Variants in BACE2 observed in about 807,000 individuals in gnomAD.
BACE2 encodes the protein beta-secretase 2, also known as 56 kDa aspartic-like protease.
BACE2 carries 17 observed loss-of-function variants against 46.2 expected under a neutral mutation model. The observed-to-expected ratio is 0.37, with a 90% CI of 0.25 to 0.55. The LOEUF (loss-of-function observed/expected upper bound fraction) is 0.55. Among genes scored for constraint, BACE2 ranks in the 20% least tolerant of loss-of-function variants. BACE2 has a pLI of 0.82. For synonymous variants in BACE2, 277 were observed against 295.9 expected (o/e 0.94, Z 0.66); for missense variants, 595 against 698.1 (o/e 0.85, Z 1.66).
chr21:41,259,586 T>C (rs1987876535), intron 8 of BACE2, among the ~76,000 whole-genome samples: 1 of 152,070 alleles, frequency 6.6e-6, no homozygotes, highest in Non-Finnish European at 1.5e-5. Flanking sequence ...AAATTTGTCT[T>C]AGAAATAAAA....
At position 41,243,573 on chromosome 21, in the gene BACE2, G is replaced by A; in HGVS notation, c.882+63G>A. 4.0e-6 allele frequency: 6 copies of A among 1,486,052 alleles called. No individual in the cohort carries two copies. In the South Asian group the frequency reaches 9.1e-5, roughly 23 times the overall value. 92.1% of individuals were successfully genotyped at this position (1,486,052 alleles called of 1,614,324 possible). A position where few individuals can be genotyped will look rare whatever the true frequency, so the allele number is the denominator to read the frequency against. ...ATGTCTGGGTCCCTTAAATATGCCA[G>A]CTGGAACCCGTAGATGCCAATAGAA... is the stretch of plus-strand genomic sequence containing the variant. On this transcript the variant is annotated intron_variant, in intron 5 of 8. Coordinates refer to ENST00000330333, the MANE Select transcript of BACE2 (RefSeq NM_012105.5).
intron 1 of BACE2, among the ~76,000 whole-genome samples, chr21:41,173,901 G>T (rs1984696600): frequency 6.6e-6 from 1 of 152,034 alleles, no homozygotes; most frequent in African/African-American, 2.4e-5. Context: ...GATGGATGTA[G>T]AAAGCTTCAG....
At chr21:41,182,255 A>T (rs921425444) in intron 1 of BACE2, 2 of 167,124 alleles carry the variant, frequency 1.2e-5, no homozygotes, top group Non-Finnish European at 2.9e-5. Flanking sequence ...CCTGTGACTC[A>T]TAAGAAACAG....
chr21:41,255,564 C>G (rs1009268947), intron 7 of BACE2, among the ~76,000 whole-genome samples: 1 of 152,306 alleles, frequency 6.6e-6, no homozygotes, highest in East Asian at 1.9e-4. Context: ...GGGCACTTCC[C>G]GCCCTATGGT....
intron 1 of BACE2, among the ~76,000 whole-genome samples, chr21:41,200,761 T>A (rs1555851087): frequency 6.6e-6 from 1 of 152,128 alleles, no homozygotes; most frequent in Non-Finnish European, 1.5e-5. Context: ...GGGACCGCCA[T>A]GTGAAGAAGC....
chr21:41,212,228 T>G (rs141660335), intron 1 of BACE2, among the ~76,000 whole-genome samples: 1 of 152,202 alleles, frequency 6.6e-6, no homozygotes, highest in East Asian at 1.9e-4. Flanking sequence ...CTTCATAGAG[T>G]CAGTGCCTTC....
At chr21:41,185,707 A>ATG (rs1389736127) in intron 1 of BACE2, among the ~76,000 whole-genome samples, 1 of 152,172 alleles carries the variant, frequency 6.6e-6, no homozygotes, top group Non-Finnish European at 1.5e-5. Flanking sequence ...AGAACCCAAA[A>ATG]TGCCTGCGTT....
intron 7 of BACE2, among the ~76,000 whole-genome samples, chr21:41,256,776 A>C (rs944186583): frequency 6.6e-6 from 1 of 152,202 alleles, no homozygotes; most frequent in Admixed American, 6.5e-5. Flanking sequence ...CCTTGGGCAC[A>C]TGTTCTCCGG....
At chr21:41,208,631 C>T (rs1019992572) in intron 1 of BACE2, among the ~76,000 whole-genome samples, 2 of 152,174 alleles carry the variant, frequency 1.3e-5, no homozygotes, top group African/African-American at 4.8e-5. Context: ...CAGAATTCTT[C>T]TGATTCTGAT....
chr21:41,168,710 A>C, intron 1 of BACE2, 135 bp downstream of exon 1: 34 of 266,398 alleles, frequency 1.3e-4, no homozygotes, highest in East Asian at 3.2e-4. Context: ...GGGAACGCAG[A>C]GGGGCTCGGG....
intron 1 of BACE2, among the ~76,000 whole-genome samples, chr21:41,205,722 T>C (rs1316318289): frequency 6.6e-6 from 1 of 152,198 alleles, no homozygotes; most frequent in East Asian, 1.9e-4. Flanking sequence ...ATGAATTGTC[T>C]GTAGTTGCTT....
At chr21:41,177,980 G>A (rs924765990) in intron 1 of BACE2, 1 of 152,140 alleles carries the variant, frequency 6.6e-6, no homozygotes, top group Admixed American at 6.5e-5. Context: ...CCCACCCCAG[G>A]GGACATCTGG....
intron 1 of BACE2, among the ~76,000 whole-genome samples, chr21:41,185,549 A>C (rs1256309352): frequency 6.6e-6 from 1 of 152,372 alleles, no homozygotes; most frequent in Non-Finnish European, 1.5e-5. Context: ...GCAATTGGCT[A>C]TTAGGAAAAT....
Position 41,272,803 on chromosome 21 carries a change from G to A in BACE2, c.1304-2568G>A, listed in dbSNP as rs73902996. ...ATTGATTGATTTTGCTCCCTATTATGAACTGTGTTTTCCTGCTTCTTTGCA... is the reference window on the plus strand; with the variant it reads ...ATTGATTGATTTTGCTCCCTATTATAAACTGTGTTTTCCTGCTTCTTTGCA... On this transcript the variant is annotated intron_variant, in intron 8 of 8. Transcript: ENST00000330333. 3.0e-3 allele frequency among the ~76,000 whole-genome samples: 460 copies of A among 152,160 alleles called. 3 individuals are homozygous for A. Among genetic ancestry groups the A allele is most frequent in the African/African-American group, 0.01 (418 of 41,502 alleles).
chr21:41,240,061 C>G (rs977353186), intron 3 of BACE2, among the ~76,000 whole-genome samples: 14 of 152,258 alleles, frequency 9.2e-5, no homozygotes, highest in Admixed American at 4.6e-4. Context: ...TCCAAGATTA[C>G]TGACAATTGG....
intron 6 of BACE2, among the ~76,000 whole-genome samples, chr21:41,248,369 G>A (rs1987535458): frequency 6.6e-6 from 1 of 152,216 alleles, no homozygotes; most frequent in Non-Finnish European, 1.5e-5. Flanking sequence ...ATCCGAATCT[G>A]AGGTGAGCTC....
intron 1 of BACE2, chr21:41,182,115 C>T (rs11909439): frequency 0.065 from 10,905 of 167,126 alleles, 1,009 homozygotes; most frequent in African/African-American, 0.22. Flanking sequence ...AGAGCAAGAT[C>T]AATGCTCCTA....
intron 3 of BACE2, among the ~76,000 whole-genome samples, chr21:41,241,272 T>A (rs1015267543): frequency 4.6e-5 from 7 of 152,216 alleles, no homozygotes; most frequent in African/African-American, 1.7e-4. Context: ...AGTATAGATT[T>A]GTGCCTTTCC....
chr21:41,277,338 C>T lies in BACE2; in HGVS notation c.*1714C>T, dbSNP rs2088501869. 6.6e-6 allele frequency: 1 copy of T among 152,138 alleles called. No homozygotes were observed. Among genetic ancestry groups the T allele is most frequent in the Non-Finnish European group, 1.5e-5 (1 of 68,048 alleles). The allele number at this position is 152,138 out of a possible 1,614,324, so 9.4% of individuals were successfully genotyped here. A position where few individuals can be genotyped will look rare whatever the true frequency, so the allele number is the denominator to read the frequency against. ...AGAAGAACCTTCTGTGCTGTTTTCA[C>T]TAGAGAAGATTTGAGTTGCAGCCTC... On this transcript the variant is annotated 3_prime_UTR_variant, in exon 9 of 9. Transcript: ENST00000330333.
Sources: gnomAD v4.1 joint callset for allele counts (sites outside exome capture counted in the v4.1 genomes callset) on GRCh38, gnomAD v4.1.1 for gene constraint, MANE v1.5 for transcripts, NCBI Gene and HGNC (gene_info 2026-07-23, HGNC 2026-07-21) for gene names.